The following SUGCT variants were observed in gnomAD, a reference collection of about 807,000 sequenced individuals.
SUGCT encodes the protein succinyl-CoA:glutarate-CoA transferase, also known as succinyl-CoA:glutarate CoA-transferase.
SUGCT carries 41 observed loss-of-function variants against 55.0 expected under a neutral mutation model. The ratio of observed to expected loss-of-function variants is 0.74; its 90% CI spans 0.58 to 0.97. The LOEUF is 0.97. Ranked by LOEUF, SUGCT falls within the 50% of genes least tolerant of loss-of-function variation. SUGCT has a pLI of 0.00. For synonymous variants in SUGCT, 187 were observed against 200.4 expected (o/e 0.93, Z 0.56); for missense variants, 568 against 547.8 (o/e 1.04, Z -0.37).
chr7:40,952,227 T>C, the SUGCT span, among the ~76,000 whole-genome samples: 4 of 152,194 alleles, frequency 2.6e-5, no homozygotes, highest in East Asian at 5.8e-4. Context: ...TTGTCTCTTT[T>C]GATCTTTGTT....
At chr7:40,534,902 A>G (rs558443188) in intron 12 of SUGCT, among the ~76,000 whole-genome samples, 1 of 152,282 alleles carries the variant, frequency 6.6e-6, no homozygotes, top group Non-Finnish European at 1.5e-5. Flanking sequence ...GTGACAGGTG[A>G]TCACAAAGAG....
chr7:40,146,685 G>A (rs1299424458), intron 1 of SUGCT, among the ~76,000 whole-genome samples: 2 of 152,226 alleles, frequency 1.3e-5, no homozygotes, highest in African/African-American at 4.8e-5. Context: ...TGGGCCAGGT[G>A]TTCCTTGCCC....
intron 9 of SUGCT, among the ~76,000 whole-genome samples, chr7:40,344,572 G>A (rs1797217219): frequency 6.6e-6 from 1 of 152,162 alleles, no homozygotes; most frequent in Non-Finnish European, 1.5e-5. Context: ...ATATTGTCTA[G>A]CTGCTTTTGT....
chr7:40,855,269 CAA>C (rs554888396), intron 13 of SUGCT, among the ~76,000 whole-genome samples: 3 of 138,298 alleles, frequency 2.2e-5, no homozygotes, highest in Non-Finnish European at 3.1e-5. Flanking sequence ...AATTTCTCCT[CAA>C]AAAAAAAAAA....
chr7:40,302,497 G>A (rs1180638115), intron 8 of SUGCT, among the ~76,000 whole-genome samples: 2 of 152,130 alleles, frequency 1.3e-5, no homozygotes, highest in African/African-American at 4.8e-5. Flanking sequence ...TGGCTTAGAT[G>A]GAGTCTCTGC....
chr7:40,170,993 A>C (rs1467348225), intron 1 of SUGCT, among the ~76,000 whole-genome samples: 3 of 152,172 alleles, frequency 2.0e-5, no homozygotes, highest in African/African-American at 7.2e-5. Context: ...TGAATATTTC[A>C]TAACAACCCA....
rs189421962 is a variant in SUGCT, at chr7:40,848,037, G to A, written c.1154-12279G>A. 1.6e-3 allele frequency among the ~76,000 whole-genome samples: 237 copies of A among 152,242 alleles called. 2 individuals carry two copies. The highest frequency in any genetic ancestry group is 3.7e-3 in the East Asian group (19 of 5,170). The stretch of plus-strand genomic sequence containing the variant: ...TTGCTGGCCTCCCAGAAACAAGGGC[G>A]TGCCAATTATAACTTTAGGCCTGCA... On this transcript the variant is annotated intron_variant, in intron 13 of 13. Coordinates refer to ENST00000335693, the MANE Select transcript of SUGCT (RefSeq NM_001193313.2).
chr7:40,638,615 T>A (rs961469248), intron 12 of SUGCT, among the ~76,000 whole-genome samples: 3 of 152,198 alleles, frequency 2.0e-5, no homozygotes, highest in Non-Finnish European at 2.9e-5. Flanking sequence ...TACCCAAGAA[T>A]AATATGAATT....
At chr7:40,233,471 G>A (rs532494572) in intron 6 of SUGCT, among the ~76,000 whole-genome samples, 50 of 151,868 alleles carry the variant, frequency 3.3e-4, no homozygotes, top group African/African-American at 1.1e-3. Context: ...CACCCACCCC[G>A]GCCTCCCAAA....
intron 12 of SUGCT, among the ~76,000 whole-genome samples, chr7:40,675,029 TTATATGTAATATTA>T (rs1783892431): frequency 6.6e-6 from 1 of 151,932 alleles, no homozygotes; most frequent in Admixed American, 6.6e-5. Context: ...TGTTAGATAA[TTATATGTAATATTA>T]TATATGTATT....
At chr7:40,672,512 A>G (rs1230898656) in intron 12 of SUGCT, among the ~76,000 whole-genome samples, 3 of 152,196 alleles carry the variant, frequency 2.0e-5, no homozygotes, top group African/African-American at 7.2e-5. Context: ...GAAATAACAA[A>G]ATTATAGAAA....
chr7:40,298,755 CA>C (rs1357175597), intron 8 of SUGCT, among the ~76,000 whole-genome samples: 1 of 150,728 alleles, frequency 6.6e-6, no homozygotes, highest in Non-Finnish European at 1.5e-5. Flanking sequence ...TTTTTGGGTC[CA>C]GGTTTTCAAG....
Position 40,853,150 on chromosome 7 carries a change from A to G in SUGCT, c.1154-7166A>G, listed in dbSNP as rs1793940836. Among the ~76,000 whole-genome samples the G allele has an allele frequency of 3.3e-5, 5 of 152,146 alleles. No homozygotes were observed. In the South Asian group the frequency reaches 1.0e-3, roughly 32 times the overall value. ...GTCTATGTTTTGTTTGCTAATATAT[A>G]TGTAGATCATACAGCCCAGATCTTG... is the stretch of plus-strand genomic sequence containing the variant. On this transcript the variant is annotated intron_variant, in intron 13 of 13. Coordinates refer to ENST00000335693, the MANE Select transcript of SUGCT (RefSeq NM_001193313.2).
chr7:40,265,435 T>C (rs977068806), intron 7 of SUGCT, among the ~76,000 whole-genome samples: 2 of 152,158 alleles, frequency 1.3e-5, no homozygotes, highest in Non-Finnish European at 2.9e-5. Flanking sequence ...GAAAAACACA[T>C]GATTTTTTTT....
At chr7:41,014,879 T>C in the SUGCT span, among the ~76,000 whole-genome samples, 2 of 152,190 alleles carry the variant, frequency 1.3e-5, no homozygotes, top group Non-Finnish European at 2.9e-5. Context: ...AGTATCTAGA[T>C]GAATAGGCTG....
intron 11 of SUGCT, among the ~76,000 whole-genome samples, chr7:40,480,900 A>G (rs1790995601): frequency 6.6e-6 from 1 of 152,156 alleles, no homozygotes; most frequent in Non-Finnish European, 1.5e-5. Context: ...AGAGACACAC[A>G]CTCAAGAATG....
intron 9 of SUGCT, among the ~76,000 whole-genome samples, chr7:40,375,013 T>C (rs866793541): frequency 3.3e-5 from 5 of 152,250 alleles, no homozygotes; most frequent in South Asian, 4.1e-4. Flanking sequence ...ATAAAGATTG[T>C]CACGTGTGGG....
chr7:40,222,548 C>G (rs1296305752), intron 6 of SUGCT, among the ~76,000 whole-genome samples: 1 of 152,218 alleles, frequency 6.6e-6, no homozygotes, highest in Non-Finnish European at 1.5e-5. Context: ...TCAGATATTT[C>G]TCAAATCAAA....
At chr7:41,026,667 G>T in the SUGCT span, among the ~76,000 whole-genome samples, 3 of 152,304 alleles carry the variant, frequency 2.0e-5, no homozygotes, top group African/African-American at 7.2e-5. Context: ...GAGAAGTCTT[G>T]TACGGTCTTT....
Sources: gnomAD v4.1 joint callset for allele counts (sites outside exome capture counted in the v4.1 genomes callset) on GRCh38, gnomAD v4.1.1 for gene constraint, MANE v1.5 for transcripts, NCBI Gene and HGNC (gene_info 2026-07-23, HGNC 2026-07-21) for gene names.